Variants in NSUN4 observed in about 807,000 individuals in gnomAD.
The protein encoded by NSUN4 is NOP2/Sun RNA methyltransferase 4, also known as 5-cytosine rRNA methyltransferase NSUN4.
A neutral mutation model predicts 43.8 loss-of-function variants in NSUN4; 31 were observed. The ratio of observed to expected loss-of-function variants is 0.71; its 90% CI spans 0.53 to 0.96. NSUN4 has a LOEUF of 0.96. Among genes scored for constraint, NSUN4 ranks in the 40% least tolerant of loss-of-function variants. The probability of loss-of-function intolerance (pLI) is 0.00; values close to 1 mark genes in which losing one functional copy is unlikely to be tolerated. For missense variants in NSUN4, 439 were observed against 475.6 expected, an observed-to-expected ratio of 0.92 and a Z score of 0.72; for synonymous variants, 167 against 184.1, an observed-to-expected ratio of 0.91 and a Z score of 0.75.
rs769739006 is a variant in NSUN4, at chr1:46,340,809, C to T, written c.-18C>T. On this transcript the variant is annotated 5_prime_UTR_variant, in exon 1 of 6. Coordinates refer to ENST00000474844, the MANE Select transcript of NSUN4 (RefSeq NM_199044.4). Reference sequence around the variant, plus strand: ...CTGTCGCGGTTCCGGTCGGAATTACCCCGTGGAGCACGCCGATATGGCTGC... The same window carrying T: ...CTGTCGCGGTTCCGGTCGGAATTACTCCGTGGAGCACGCCGATATGGCTGC... 9 of 1,602,920 alleles carry T rather than the reference C, an allele frequency of 5.6e-6. No homozygotes were observed. In the Admixed American group the frequency reaches 1.4e-4, roughly 24 times the overall value.
chr1:46,363,491 A>G lies in NSUN4; in HGVS notation c.*1645A>G, dbSNP rs989008102. The G allele has an allele frequency of 3.3e-5, 5 of 152,218 alleles. No homozygotes were observed. The highest frequency in any genetic ancestry group is 9.6e-5 in the African/African-American group (4 of 41,452). The allele number at this position is 152,218 out of a possible 1,614,324, so 9.4% of individuals were successfully genotyped here. A position where few individuals can be genotyped will look rare whatever the true frequency, so the allele number is the denominator to read the frequency against. ...AGGGTCCCCTGCCTCTAGAGTCATC[A>G]TCTAATTGGGGACAGGCAGACCTAG... On this transcript the variant is annotated 3_prime_UTR_variant, in exon 6 of 6. Transcript: ENST00000474844.
chr1:46,371,455 G>T, the NSUN4 span, among the ~76,000 whole-genome samples: 3 of 152,014 alleles, frequency 2.0e-5, no homozygotes, highest in Non-Finnish European at 4.4e-5. Flanking sequence ...ACAGGTGCCT[G>T]CCTCCACGCC....
intron 1 of NSUN4, chr1:46,341,894 CTG>C: frequency 8.1e-7 from 1 of 1,232,952 alleles, no homozygotes; most frequent in Non-Finnish European, 1.0e-6. Flanking sequence ...ACACTAATCT[CTG>C]TTACTCTAGC....
At chr1:46,382,683 C>T in the NSUN4 span, among the ~76,000 whole-genome samples, 1 of 151,408 alleles carries the variant, frequency 6.6e-6, no homozygotes, top group Non-Finnish European at 1.5e-5. Flanking sequence ...CTCACTGCAA[C>T]CTCCACCTCC....
chr1:46,342,074 G>A (rs1569730615), intron 1 of NSUN4: 7 of 647,608 alleles, frequency 1.1e-5, no homozygotes, highest in Non-Finnish European at 8.8e-6. Context: ...CTTGCCTCAC[G>A]ATTTCACCTC....
At chr1:46,348,820 T>TTTTTTG (rs1662740951) in intron 3 of NSUN4, among the ~76,000 whole-genome samples, 1 of 142,058 alleles carries the variant, frequency 7.0e-6, no homozygotes, top group African/African-American at 2.7e-5. Flanking sequence ...TTTTTTTTTT[T>TTTTTTG]TTTTTTTTTT....
chr1:46,348,148 G>A (rs1447528331), intron 3 of NSUN4, among the ~76,000 whole-genome samples: 26 of 152,102 alleles, frequency 1.7e-4, no homozygotes, highest in Admixed American at 1.7e-3. Context: ...CCAAATTGCT[G>A]GGATTACAGG....
At chr1:46,375,428 T>G in the NSUN4 span, among the ~76,000 whole-genome samples, 2 of 126,268 alleles carry the variant, frequency 1.6e-5, no homozygotes, top group African/African-American at 3.0e-5. Context: ...AGAGCAAAAC[T>G]CGTTCTCAAA....
At chr1:46,353,650 A>AT (rs1019922573) in intron 4 of NSUN4, among the ~76,000 whole-genome samples, 27 of 151,160 alleles carry the variant, frequency 1.8e-4, no homozygotes, top group Non-Finnish European at 2.5e-4. Flanking sequence ...TAATTTTTGT[A>AT]TTTTTTTTAG....
At chr1:46,379,897 C>A in the NSUN4 span, among the ~76,000 whole-genome samples, 2 of 152,056 alleles carry the variant, frequency 1.3e-5, no homozygotes, top group African/African-American at 4.8e-5. Flanking sequence ...AGGCCAGGGA[C>A]CTTTTGACTT....
At chr1:46,383,548 C>T in the NSUN4 span, among the ~76,000 whole-genome samples, 817 of 151,476 alleles carry the variant, frequency 5.4e-3, 10 homozygotes, top group African/African-American at 0.019. Context: ...CTCCGCCTCC[C>T]GGGTTCACGC....
chr1:46,359,282 T>A (rs769049438), intron 4 of NSUN4, among the ~76,000 whole-genome samples: 2 of 151,854 alleles, frequency 1.3e-5, no homozygotes, highest in Non-Finnish European at 2.9e-5. Context: ...ACAAATAAAC[T>A]GGGAATTTAG....
At chr1:46,365,531 G>A (rs1476605092), downstream of NSUN4, among the ~76,000 whole-genome samples, 5 of 151,980 alleles carry the variant, frequency 3.3e-5, no homozygotes, top group Non-Finnish European at 7.4e-5. Flanking sequence ...TAGTAGAAAC[G>A]GGGTTTCGCC....
At chr1:46,353,116 C>T in intron 4 of NSUN4, 88 bp downstream of exon 4, 1 of 1,275,890 alleles carries the variant, frequency 7.8e-7, no homozygotes, top group Non-Finnish European at 1.1e-6. Context: ...GGATCCAGCC[C>T]CTATGTTTGA....
chr1:46,382,728 A>T, the NSUN4 span, among the ~76,000 whole-genome samples: 6 of 151,940 alleles, frequency 3.9e-5, no homozygotes, highest in Non-Finnish European at 1.5e-5. Context: ...TAGCCTCCCA[A>T]GTAGCTGGGA....
the NSUN4 span, among the ~76,000 whole-genome samples, chr1:46,377,825 G>C: frequency 6.6e-6 from 1 of 152,102 alleles, no homozygotes; most frequent in African/African-American, 2.4e-5. Context: ...TTATAGATGA[G>C]GAAATTCAGG....
intron 4 of NSUN4, among the ~76,000 whole-genome samples, chr1:46,359,133 G>A (rs1030493947): frequency 1.1e-4 from 16 of 152,018 alleles, no homozygotes; most frequent in Non-Finnish European, 2.4e-4. Context: ...GGTATTGTGC[G>A]CCTGTAGTCC....
In NSUN4 at chr1:46,353,010, G is replaced by A. The variant is rs1222146418; in HGVS notation, c.735G>A (p.Glu245=). 1 of 1,614,120 alleles carries A rather than the reference G, an allele frequency of 6.2e-7. No individual in the cohort carries two copies. The highest frequency in any genetic ancestry group is 1.1e-5 in the South Asian group (1 of 91,086). The stretch of plus-strand genomic sequence containing the variant: ...ATGGCAGGAAATGGGGAGAACTGGA[G>A]GGGGACACCTATGACCGGGTGAGTG... The part of the protein sequence containing the change: ...SWDGRKWGEL[E]GDTYDRVLVD... The change falls in exon 4 of 6, where the codon GAG becomes GAA. Residue 245 remains glutamate, a synonymous_variant. Coordinates refer to ENST00000474844, the MANE Select transcript of NSUN4 (RefSeq NM_199044.4).
chr1:46,347,847 C>T (rs1298935939), intron 3 of NSUN4, among the ~76,000 whole-genome samples: 8 of 151,160 alleles, frequency 5.3e-5, no homozygotes, highest in Non-Finnish European at 1.0e-4. Flanking sequence ...CTGTCCAAAT[C>T]CTTTTGACTT....
Sources: allele counts gnomAD v4.1 joint callset (sites outside exome capture counted in the v4.1 genomes callset), GRCh38; gene constraint gnomAD v4.1.1; transcripts MANE v1.5; gene names NCBI Gene and HGNC (gene_info 2026-07-23, HGNC 2026-07-21).